HDAC4: variants seen among roughly 807,000 people sequenced by gnomAD.
HDAC4 encodes the protein histone deacetylase 4, also known as histone deacetylase A.
Under a neutral mutation model 135.1 loss-of-function variants are expected in HDAC4, and 16 were observed. The observed-to-expected ratio is 0.12, with a 90% CI of 0.08 to 0.18. The LOEUF (loss-of-function observed/expected upper bound fraction) is 0.18. HDAC4 is among the 10% of genes least tolerant of loss of function. The pLI is 1.00. For synonymous variants in HDAC4, 685 were observed against 653.4 expected (o/e 1.05, Z -0.74); for missense variants, 1,143 against 1,511.8 (o/e 0.76, Z 4.05).
chr2:239,250,138 G>C (rs1210195297), intron 2 of HDAC4, among the ~76,000 whole-genome samples: 4 of 152,266 alleles, frequency 2.6e-5, no homozygotes, highest in African/African-American at 9.6e-5. Context: ...GAGGATGCGT[G>C]GATGTCCTCT....
At chr2:239,058,910 C>T (rs1446448600) in intron 24 of HDAC4, among the ~76,000 whole-genome samples, 3 of 152,200 alleles carry the variant, frequency 2.0e-5, no homozygotes, top group Non-Finnish European at 2.9e-5. Context: ...GGAGAGGACA[C>T]ATTATCCCAA....
intron 7 of HDAC4, among the ~76,000 whole-genome samples, chr2:239,147,620 C>A (rs1559511377): frequency 6.6e-6 from 1 of 152,252 alleles, no homozygotes; most frequent in Non-Finnish European, 1.5e-5. Flanking sequence ...CCTAAGAGGG[C>A]TGCAGGTACA....
At chr2:239,322,757 G>C (rs982738497) in intron 2 of HDAC4, among the ~76,000 whole-genome samples, 1 of 152,114 alleles carries the variant, frequency 6.6e-6, no homozygotes, top group Non-Finnish European at 1.5e-5. Flanking sequence ...CATCCTGCCC[G>C]GGTGTGGGTA....
intron 4 of HDAC4, among the ~76,000 whole-genome samples, chr2:239,182,862 C>T (rs531559081): frequency 6.6e-6 from 1 of 152,300 alleles, no homozygotes; most frequent in South Asian, 2.1e-4. Context: ...ATCCTAGCAT[C>T]GTGAATAGGT....
intron 1 of HDAC4, among the ~76,000 whole-genome samples, chr2:239,365,696 C>T (rs1252689220): frequency 3.0e-5 from 4 of 135,044 alleles, no homozygotes; most frequent in East Asian, 2.4e-4. Context: ...CGTGTGGCAC[C>T]AGGGGACACA....
In HDAC4 at chr2:239,081,472, C is replaced by T. The variant is rs553886919; in HGVS notation, c.2653-280G>A. Among the ~76,000 whole-genome samples the T allele has an allele frequency of 3.0e-4, 46 of 152,360 alleles. 1 individual carries two copies. Among genetic ancestry groups the T allele is most frequent in the East Asian group, 3.9e-4 (2 of 5,182 alleles). On this transcript the variant is annotated intron_variant, in intron 21 of 26. Transcript: ENST00000543185. ...CCAAGGCCCTGCACTGACATTTCTG[C>T]GGACCCGCCGCCCTGTGTTGTGTGC...
chr2:239,215,327 G>A (rs1012134680), intron 3 of HDAC4, among the ~76,000 whole-genome samples: 4 of 152,194 alleles, frequency 2.6e-5, no homozygotes, highest in Admixed American at 1.3e-4. Context: ...GGCTGAGGCC[G>A]GGCATGGAAG....
chr2:239,182,791 C>A (rs560888899), intron 4 of HDAC4, among the ~76,000 whole-genome samples: 2 of 152,274 alleles, frequency 1.3e-5, no homozygotes, highest in South Asian at 4.1e-4. Flanking sequence ...TCGGCATGCT[C>A]GGAAAATGCT....
chr2:239,230,803 C>T lies in HDAC4; in HGVS notation c.94+5790G>A, dbSNP rs190855091. On this transcript the variant is annotated intron_variant, in intron 3 of 26. Coordinates refer to ENST00000543185, the MANE Select transcript of HDAC4 (RefSeq NM_001378414.1). ...TCCGGTGCCAATAAAGGGAGACTTT[C>T]GAAGCTTCCCCTGAGGTCACACGTC... Among the ~76,000 whole-genome samples, 7 of 152,342 alleles carry T rather than the reference C, an allele frequency of 4.6e-5. No homozygotes were observed. In the East Asian group the frequency reaches 5.8e-4, roughly 13 times the overall value.
intron 1 of HDAC4, among the ~76,000 whole-genome samples, chr2:239,393,460 G>A (rs1696363373): frequency 6.6e-6 from 1 of 152,148 alleles, no homozygotes; most frequent in African/African-American, 2.4e-5. Context: ...CAGGCAGCCT[G>A]CCAGTTGGCC....
At chr2:239,189,296 A>G (rs896700806) in intron 4 of HDAC4, among the ~76,000 whole-genome samples, 2 of 152,212 alleles carry the variant, frequency 1.3e-5, no homozygotes, top group African/African-American at 4.8e-5. Flanking sequence ...TTTCCAATTG[A>G]TTTAATTTTA....
intron 3 of HDAC4, among the ~76,000 whole-genome samples, chr2:239,225,582 G>A: frequency 6.6e-6 from 1 of 152,234 alleles, no homozygotes; most frequent in East Asian, 1.9e-4. Context: ...GCAGGAGAGG[G>A]AAGCCAGGAA....
At chr2:239,129,663 G>T (rs2040434339) in intron 11 of HDAC4, among the ~76,000 whole-genome samples, 1 of 152,214 alleles carries the variant, frequency 6.6e-6, no homozygotes. Flanking sequence ...CCCTATGGCT[G>T]CCGGCTCCTG....
intron 2 of HDAC4, among the ~76,000 whole-genome samples, chr2:239,248,337 C>T (rs59754688): frequency 0.12 from 18,659 of 151,996 alleles, 1,270 homozygotes; most frequent in Non-Finnish European, 0.15. Context: ...CCGGCCACCA[C>T]GCCTGGCTAA....
At chr2:239,097,284 C>G in intron 16 of HDAC4, among the ~76,000 whole-genome samples, 1 of 152,354 alleles carries the variant, frequency 6.6e-6, no homozygotes, top group Middle Eastern at 3.4e-3. Context: ...CTCCCTGCAG[C>G]GCTCAGCAGG....
intron 2 of HDAC4, among the ~76,000 whole-genome samples, chr2:239,283,266 T>A (rs2050925035): frequency 1.3e-5 from 2 of 152,202 alleles, no homozygotes; most frequent in Non-Finnish European, 1.5e-5. Context: ...TCTGAGGAAC[T>A]GAGGCTTAAG....
intron 1 of HDAC4, among the ~76,000 whole-genome samples, chr2:239,393,721 C>T (rs1023516106): frequency 1.4e-4 from 22 of 151,992 alleles, no homozygotes; most frequent in Admixed American, 1.2e-3. Context: ...CCCGTGTGCA[C>T]CTGCCTGTTT....
At chr2:239,226,907 CAG>C (rs2047274051) in intron 3 of HDAC4, among the ~76,000 whole-genome samples, 1 of 152,210 alleles carries the variant, frequency 6.6e-6, no homozygotes, top group South Asian at 2.1e-4. Flanking sequence ...TCAAAAATAA[CAG>C]AGTGAACACA....
intron 2 of HDAC4, among the ~76,000 whole-genome samples, chr2:239,330,124 C>A (rs909934250): frequency 1.3e-5 from 2 of 152,258 alleles, no homozygotes; most frequent in African/African-American, 4.8e-5. Flanking sequence ...CCTGGATCAG[C>A]GGCCACAGAG....
Sources: gnomAD v4.1 joint callset for allele counts (sites outside exome capture counted in the v4.1 genomes callset) on GRCh38, gnomAD v4.1.1 for gene constraint, MANE v1.5 for transcripts, NCBI Gene and HGNC (gene_info 2026-07-23, HGNC 2026-07-21) for gene names.